The following PLPPR2 variants were observed in gnomAD, a reference collection of about 807,000 sequenced individuals.
PLPPR2 encodes phospholipid phosphatase related 2.
In PLPPR2, 11 loss-of-function variants were observed where a neutral mutation model predicts 40.3. The observed-to-expected ratio is 0.27, with a 90% CI of 0.17 to 0.45. The LOEUF (loss-of-function observed/expected upper bound fraction) is 0.45. Among genes scored for constraint, PLPPR2 ranks in the 20% least tolerant of loss-of-function variants. The pLI, the probability that PLPPR2 is intolerant of heterozygous loss-of-function variation, is 1.00. For synonymous variants in PLPPR2, 260 were observed against 290.8 expected, an observed-to-expected ratio of 0.89 and a Z score of 1.08; for missense variants, 497 against 640.7, an observed-to-expected ratio of 0.78 and a Z score of 2.42.
Position 11,363,839 on chromosome 19 carries a change from A to AG in PLPPR2, c.963+10dup. ...CGAAAAGTTAAGTGTGGCGCAGGTA[A>AG]GGGGGGCCGGGGGCTGCTCCCGGCT... On this transcript the variant is annotated splice_donor_region_variant and intron_variant, in intron 8 of 9. Coordinates refer to ENST00000688289, the MANE Select transcript of PLPPR2 (RefSeq NM_001393892.1). This position sits in a 1 kb window ranked among gnomAD's most constrained non-coding sequence, Gnocchi z 4.8. 6.2e-7 allele frequency: 1 copy of AG among 1,612,856 alleles called. No individual in the cohort carries two copies. The highest frequency in any genetic ancestry group is 8.5e-7 in the Non-Finnish European group (1 of 1,179,314).
intron 1 of PLPPR2, among the ~76,000 whole-genome samples, chr19:11,356,527 A>C (rs1168947121): frequency 1.3e-5 from 2 of 152,072 alleles, no homozygotes; most frequent in African/African-American, 4.8e-5. Flanking sequence ...GTATGCAGTG[A>C]CATGTGTTGT....
At chr19:11,360,984 C>T (rs748826695) in intron 5 of PLPPR2, among the ~76,000 whole-genome samples, 49 of 152,090 alleles carry the variant, frequency 3.2e-4, no homozygotes, top group Middle Eastern at 6.8e-3. Context: ...GGATCCGCCC[C>T]TGACATAGTG....
rs1968137006 is a variant in PLPPR2, at chr19:11,364,420, G to A, written c.1089G>A (p.Ser363=). The change falls in exon 10 of 10, where the codon TCG becomes TCA. Residue 363 remains serine, a synonymous_variant. Coordinates refer to ENST00000688289, the MANE Select transcript of PLPPR2 (RefSeq NM_001393892.1). This position sits in a 1 kb window ranked among gnomAD's most constrained non-coding sequence, Gnocchi z 5.8. ...CCTCCAGGGCCCCAGCCATGTGTTC[G>A]TCGCCCCGTGTGCCCCGTCCTCGAT... ...CVSSRAPAMC[S]SPRVPRPRLR... The A allele has an allele frequency of 2.6e-6, 4 of 1,518,622 alleles. No homozygotes were observed. The highest frequency in any genetic ancestry group is 3.5e-6 in the Non-Finnish European group (4 of 1,136,396). The allele number at this position is 1,518,622 out of a possible 1,614,324, so 94.1% of individuals were successfully genotyped here.
Position 11,363,878 on chromosome 19 carries a change from G to A in PLPPR2, c.963+43G>A. 1 of 1,592,158 alleles carries A rather than the reference G, an allele frequency of 6.3e-7. No individual in the cohort carries two copies. The highest frequency in any genetic ancestry group is 8.6e-7 in the Non-Finnish European group (1 of 1,167,890). ...CTGCTCCCGGCTGGAGAGGGTGGTG[G>A]GTGGAGGGGGCCAAGGAGACAGGAA... On this transcript the variant is annotated intron_variant, in intron 8 of 9. Transcript: ENST00000688289. This position sits in a 1 kb window ranked among gnomAD's most constrained non-coding sequence, Gnocchi z 4.8.
At position 11,363,839 on chromosome 19, in the gene PLPPR2, A is replaced by T; in HGVS notation, c.963+4A>T. ...CGAAAAGTTAAGTGTGGCGCAGGTA[A>T]GGGGGGCCGGGGGCTGCTCCCGGCT... On this transcript the variant is annotated splice_donor_region_variant and intron_variant, in intron 8 of 9. Transcript: ENST00000688289. This position sits in a 1 kb window ranked among gnomAD's most constrained non-coding sequence, Gnocchi z 4.8. The T allele has an allele frequency of 4.3e-6, 7 of 1,612,858 alleles. No individual in the cohort carries two copies. The highest frequency in any genetic ancestry group is 5.9e-6 in the Non-Finnish European group (7 of 1,179,314).
intron 3 of PLPPR2, among the ~76,000 whole-genome samples, chr19:11,358,553 C>T (rs1967955892): frequency 6.6e-6 from 1 of 152,076 alleles, no homozygotes; most frequent in Non-Finnish European, 1.5e-5. Flanking sequence ...CTCACTCTCC[C>T]CATGCCCATC....
In PLPPR2 at chr19:11,362,725, C is replaced by G. The variant is rs992856615; in HGVS notation, c.840+36C>G. The G allele has an allele frequency of 6.3e-7, 1 of 1,589,742 alleles. No homozygotes were observed. The highest frequency in any genetic ancestry group is 1.7e-4 in the Middle Eastern group (1 of 5,956). On this transcript the variant is annotated intron_variant, in intron 7 of 9. Transcript: ENST00000688289. This position sits in a 1 kb window ranked among gnomAD's most constrained non-coding sequence, Gnocchi z 5.3. ...TCCTCAACCTTCCCAGCATGGAAGA[C>G]CCTCACCAGCTCTCTGACCCAAGAG...
At position 11,359,422 on chromosome 19, in the gene PLPPR2, C is replaced by G. The variant is rs1967982631; in HGVS notation, c.67-110C>G. On this transcript the variant is annotated intron_variant, in intron 3 of 9. Transcript: ENST00000688289. The surrounding 1 kb of genome is among the most constrained non-coding windows in gnomAD (Gnocchi z 5.6). ...TCTCTCTCCATCTTCTAGTTTCTGT[C>G]TCTAACCCATGTTTCTCCATCTCTG... 9.8e-7 allele frequency: 1 copy of G among 1,020,184 alleles called. No homozygotes were observed. The highest frequency in any genetic ancestry group is 1.4e-6 in the Non-Finnish European group (1 of 735,020). The allele number at this position is 1,020,184 out of a possible 1,614,324, so 63.2% of individuals were successfully genotyped here.
At position 11,364,212 on chromosome 19, in the gene PLPPR2, A is replaced by G. The variant is rs1473601349; in HGVS notation, c.1015A>G (p.Lys339Glu). 5.6e-6 allele frequency: 9 copies of G among 1,611,036 alleles called. No individual in the cohort carries two copies. Among genetic ancestry groups the G allele is most frequent in the Middle Eastern group, 3.3e-4 (2 of 6,044 alleles). Residue 339 changes from lysine to glutamate, a missense_variant and splice_region_variant, in exon 9 of 10, where the codon AAG (lysine) becomes GAG (glutamate). Transcript: ENST00000688289. The surrounding 1 kb of genome is among the most constrained non-coding windows in gnomAD (Gnocchi z 5.8). ...GACACCGGCACGGCTCACCCCATCC[A>G]GTGAGTGTTGGGGGAGTGGGGGGCT... ...HSTPARLTPS[K>E]SQNCARRGHL...
At chr19:11,356,090 GTGTA>G (rs1967863312) in intron 1 of PLPPR2, among the ~76,000 whole-genome samples, 3 of 152,134 alleles carry the variant, frequency 2.0e-5, no homozygotes. Flanking sequence ...TTCTGATGGT[GTGTA>G]TGTGTGTGTG....
At position 11,361,158 on chromosome 19, in the gene PLPPR2, G is replaced by A. The variant is rs1361437630; in HGVS notation, c.392-59G>A. 4 of 1,538,274 alleles carry A rather than the reference G, an allele frequency of 2.6e-6. No individual in the cohort carries two copies. The highest frequency in any genetic ancestry group is 3.5e-6 in the Non-Finnish European group (4 of 1,144,432). On this transcript the variant is annotated intron_variant, in intron 5 of 9. Coordinates refer to ENST00000688289, the MANE Select transcript of PLPPR2 (RefSeq NM_001393892.1). This position sits in a 1 kb window ranked among gnomAD's most constrained non-coding sequence, Gnocchi z 6.3. ...GGAAAAGGGAGCTAAGAGGCCCAAT[G>A]GAATCAGTGGGAGCATCAGGGCCTG... is the stretch of plus-strand genomic sequence containing the variant.
intron 5 of PLPPR2, among the ~76,000 whole-genome samples, chr19:11,360,307 G>T (rs1049763198): frequency 6.7e-6 from 1 of 148,696 alleles, no homozygotes. Context: ...AAAAAAAGAA[G>T]AATTCCAGGG....
At position 11,364,431 on chromosome 19, in the gene PLPPR2, T is replaced by C; in HGVS notation, c.1100T>C (p.Val367Ala). The C allele has an allele frequency of 6.6e-7, 1 of 1,520,136 alleles. No homozygotes were observed. The highest frequency in any genetic ancestry group is 1.3e-5 in the South Asian group (1 of 76,956). The allele number at this position is 1,520,136 out of a possible 1,614,324, so 94.2% of individuals were successfully genotyped here. Residue 367 changes from valine to alanine, a missense_variant, in exon 10 of 10, where the codon GTG becomes GCG. By Grantham distance (64) the Val-to-Ala change is moderately conservative. Transcript: ENST00000688289. This position sits in a 1 kb window ranked among gnomAD's most constrained non-coding sequence, Gnocchi z 5.8. ...RAPAMCSSPR[V>A]PRPRLRSEPT... ...CCAGCCATGTGTTCGTCGCCCCGTG[T>C]GCCCCGTCCTCGATTGAGGTCTGAG...
chr19:11,362,697 GCCT>G lies in PLPPR2; in HGVS notation c.840+13_840+15del. On this transcript the variant is annotated intron_variant, in intron 7 of 9. Transcript: ENST00000688289. The surrounding 1 kb of genome is among the most constrained non-coding windows in gnomAD (Gnocchi z 5.3). ...GCCATCGCCACCTTTTTGGTGAGTT[GCCT>G]CCTCAACCTTCCCAGCATGGAAGAC... 1 of 1,609,272 alleles carries G rather than the reference GCCT, an allele frequency of 6.2e-7. No individual in the cohort carries two copies. Among genetic ancestry groups the G allele is most frequent in the Non-Finnish European group, 8.5e-7 (1 of 1,177,136 alleles).
At position 11,363,976 on chromosome 19, in the gene PLPPR2, G is replaced by T; in HGVS notation, c.963+141G>T. On this transcript the variant is annotated intron_variant, in intron 8 of 9. Transcript: ENST00000688289. The surrounding 1 kb of genome is among the most constrained non-coding windows in gnomAD (Gnocchi z 4.8). ...GGATCACCCATCTCTGTGGACATAGGTCCTGGGCGGACAGCCCCAAAGAAT... is the reference window on the plus strand; with the variant it reads ...GGATCACCCATCTCTGTGGACATAGTTCCTGGGCGGACAGCCCCAAAGAAT... The T allele has an allele frequency of 7.5e-7, 1 of 1,332,772 alleles. No individual in the cohort carries two copies. The highest frequency in any genetic ancestry group is 1.0e-6 in the Non-Finnish European group (1 of 983,018). The allele number at this position is 1,332,772 out of a possible 1,614,324, so 82.6% of individuals were successfully genotyped here.
intron 3 of PLPPR2, 39 bp downstream of exon 3, chr19:11,357,778 ATCTCTG>A: frequency 3.3e-6 from 5 of 1,530,798 alleles, no homozygotes; most frequent in East Asian, 2.3e-5. Flanking sequence ...CGGCGTGCCT[ATCTCTG>A]TCTCTGTCCA....
rs1235911759 is a variant in PLPPR2 at position 11,361,688 on chromosome 19, T to A, written c.663+200T>A. Among the ~76,000 whole-genome samples the A allele has an allele frequency of 2.0e-5, 3 of 152,088 alleles. No homozygotes were observed. Among genetic ancestry groups the A allele is most frequent in the Non-Finnish European group, 4.4e-5 (3 of 67,978 alleles). ...CACGCCCCCAGTCAGAGGCTATCGC[T>A]GTCCATTGACTCCGCCCCTTGCCCT... On this transcript the variant is annotated intron_variant, in intron 6 of 9. Transcript: ENST00000688289. The surrounding 1 kb of genome is among the most constrained non-coding windows in gnomAD (Gnocchi z 6.3).
intron 5 of PLPPR2, among the ~76,000 whole-genome samples, chr19:11,360,744 C>A (rs1052995403): frequency 6.6e-6 from 1 of 152,028 alleles, no homozygotes; most frequent in African/African-American, 2.4e-5. Flanking sequence ...GAGGGGCAGA[C>A]CTTACCTATA....
At chr19:11,356,511 G>A (rs1255353036) in intron 1 of PLPPR2, among the ~76,000 whole-genome samples, 2 of 152,104 alleles carry the variant, frequency 1.3e-5, no homozygotes, top group Non-Finnish European at 2.9e-5. Context: ...AGCCCACTGT[G>A]TGTGAGTATG....
Sources: gnomAD v4.1 joint callset for allele counts (sites outside exome capture counted in the v4.1 genomes callset) on GRCh38, gnomAD v4.1.1 for gene constraint, Gnocchi (gnomAD v3.1) non-coding constraint, MANE v1.5 for transcripts, NCBI Gene and HGNC (gene_info 2026-07-23, HGNC 2026-07-21) for gene names.